MARCHF1: variants seen among roughly 807,000 people sequenced by gnomAD.
The protein encoded by MARCHF1 is membrane associated ring-CH-type finger 1.
A neutral mutation model predicts 54.2 loss-of-function variants in MARCHF1; 40 were observed. That is an observed-to-expected ratio of 0.74 (90% CI 0.57 to 0.96). MARCHF1 has a LOEUF of 0.96. Among genes scored for constraint, MARCHF1 ranks in the 40% least tolerant of loss-of-function variants. The pLI is 0.00. For missense variants in MARCHF1, 586 were observed against 656.5 expected (o/e 0.89, Z 1.17); for synonymous variants, 236 against 236.3 (o/e 1.00, Z 0.01).
chr4:164,266,509 G>A (rs1733614844), intron 1 of MARCHF1, among the ~76,000 whole-genome samples: 1 of 152,172 alleles, frequency 6.6e-6, no homozygotes, highest in Non-Finnish European at 1.5e-5. Context: ...TGGTCTCTGA[G>A]ATTCTAATCC....
chr4:163,892,416 C>T (rs1244374620), intron 3 of MARCHF1, among the ~76,000 whole-genome samples: 1 of 151,700 alleles, frequency 6.6e-6, no homozygotes, highest in Non-Finnish European at 1.5e-5. Context: ...ACTGAATGGC[C>T]CACCCTGTAG....
chr4:163,670,460 G>A (rs758691500), intron 5 of MARCHF1, among the ~76,000 whole-genome samples: 3 of 150,998 alleles, frequency 2.0e-5, no homozygotes, highest in Non-Finnish European at 2.9e-5. Context: ...TTATTTACAC[G>A]CATCTATTAA....
intron 4 of MARCHF1, among the ~76,000 whole-genome samples, chr4:163,786,028 T>G (rs1747608876): frequency 1.3e-5 from 2 of 151,984 alleles, no homozygotes; most frequent in Non-Finnish European, 2.9e-5. Flanking sequence ...GGAAGAAATC[T>G]GGAGGCAGGA....
At chr4:164,285,474 G>A (rs997824670) in intron 1 of MARCHF1, among the ~76,000 whole-genome samples, 3 of 151,560 alleles carry the variant, frequency 2.0e-5, no homozygotes, top group African/African-American at 4.8e-5. Context: ...ACGGAGTTTC[G>A]CTCTGTCGCC....
chr4:164,125,464 T>C (rs1381346942), intron 1 of MARCHF1, among the ~76,000 whole-genome samples: 2 of 152,118 alleles, frequency 1.3e-5, no homozygotes, highest in African/African-American at 2.4e-5. Flanking sequence ...TAAGAAAGAA[T>C]GTAAAATAGG....
intron 3 of MARCHF1, among the ~76,000 whole-genome samples, chr4:163,950,796 A>G (rs1203867515): frequency 6.6e-6 from 1 of 152,248 alleles, no homozygotes; most frequent in Non-Finnish European, 1.5e-5. Context: ...TTATAAGATT[A>G]TTTGTATTGA....
chr4:163,986,017 T>C (rs1475580290), intron 3 of MARCHF1, among the ~76,000 whole-genome samples: 2 of 152,068 alleles, frequency 1.3e-5, no homozygotes, highest in Non-Finnish European at 2.9e-5. Context: ...TTTACAATTC[T>C]TTTAGACTAT....
intron 4 of MARCHF1, among the ~76,000 whole-genome samples, chr4:163,787,581 TAGTA>T (rs1368385762): frequency 6.6e-6 from 1 of 151,702 alleles, no homozygotes; most frequent in East Asian, 1.9e-4. Context: ...TAACAAGTCT[TAGTA>T]AGAATGTGGA....
intron 3 of MARCHF1, among the ~76,000 whole-genome samples, chr4:163,906,505 C>T (rs1751070325): frequency 4.6e-5 from 7 of 151,632 alleles, no homozygotes; most frequent in Admixed American, 4.6e-4. Flanking sequence ...AAATTTCTGA[C>T]TTACAAAAAG....
intron 2 of MARCHF1, among the ~76,000 whole-genome samples, chr4:164,067,086 C>G (rs955237935): frequency 6.6e-6 from 1 of 151,920 alleles, no homozygotes; most frequent in Non-Finnish European, 1.5e-5. Flanking sequence ...TGCTGCATCC[C>G]CTAAGAGGTT....
At chr4:163,873,038 C>T (rs866742603) in intron 3 of MARCHF1, among the ~76,000 whole-genome samples, 15 of 146,544 alleles carry the variant, frequency 1.0e-4, no homozygotes, top group African/African-American at 1.0e-4. Flanking sequence ...AGCGAGACTC[C>T]GTCTCAAAAA....
intron 1 of MARCHF1, among the ~76,000 whole-genome samples, chr4:164,284,912 C>A (rs928739971): frequency 7.3e-5 from 11 of 150,936 alleles, no homozygotes; most frequent in African/African-American, 2.7e-4. Flanking sequence ...AGGTTTCTCC[C>A]AGGAAACTCA....
intron 4 of MARCHF1, among the ~76,000 whole-genome samples, chr4:163,709,382 C>T (rs1745041483): frequency 6.6e-6 from 1 of 151,962 alleles, no homozygotes; most frequent in Non-Finnish European, 1.5e-5. Flanking sequence ...TCAAGACCAG[C>T]CTGGGCAACA....
At chr4:163,667,905 G>A (rs552651642) in intron 5 of MARCHF1, among the ~76,000 whole-genome samples, 7 of 152,108 alleles carry the variant, frequency 4.6e-5, no homozygotes, top group Non-Finnish European at 1.0e-4. Context: ...GGGATTACAG[G>A]TGTGAGCCAC....
Position 163,932,036 on chromosome 4 carries a change from C to A in MARCHF1, c.-39+56465G>T, listed in dbSNP as rs530233695. The stretch of plus-strand genomic sequence containing the variant: ...CATATAAAAGTTATGTTTATACTAT[C>A]TTGTAGTCTATTAAGTGCAATAGGC... On this transcript the variant is annotated intron_variant, in intron 3 of 9. Transcript: ENST00000514618. 4.6e-5 allele frequency among the ~76,000 whole-genome samples: 7 copies of A among 151,846 alleles called. No homozygotes were observed. The South Asian group carries it at 6.2e-4, about 14-fold the overall frequency.
At chr4:163,993,080 C>T (rs1752999000) in intron 2 of MARCHF1, among the ~76,000 whole-genome samples, 1 of 151,908 alleles carries the variant, frequency 6.6e-6, no homozygotes, top group Non-Finnish European at 1.5e-5. Context: ...GGAGAAGGAA[C>T]TTGAATTTAA....
intron 8 of MARCHF1, among the ~76,000 whole-genome samples, chr4:163,560,975 T>G (rs1560942880): frequency 6.6e-6 from 1 of 152,182 alleles, no homozygotes; most frequent in African/African-American, 2.4e-5. Flanking sequence ...AAAATCCACT[T>G]TTTTGAATCT....
intron 3 of MARCHF1, among the ~76,000 whole-genome samples, chr4:163,969,772 C>T (rs998316365): frequency 2.0e-5 from 3 of 152,034 alleles, no homozygotes; most frequent in African/African-American, 7.2e-5. Context: ...ATGTACATTA[C>T]AGTAGAAATT....
Position 163,612,369 on chromosome 4 carries a change from G to C in MARCHF1, c.912C>G (p.Gly304=). ...SSTEILGVPE[G]SKDMNDAGLQ... ...GCCCTGCATCATTCATGTCCTTGCTGCCTTCTGGAACTCCCAGTATTTCAG... is the reference window on the plus strand; with the variant it reads ...GCCCTGCATCATTCATGTCCTTGCTCCCTTCTGGAACTCCCAGTATTTCAG... The change falls in exon 7 of 10, where the codon GGC becomes GGG. Residue 304 remains glycine (G), a synonymous_variant. Coordinates refer to ENST00000514618, the MANE Select transcript of MARCHF1 (RefSeq NM_001394959.1). 6.5e-7 allele frequency: 1 copy of C among 1,535,316 alleles called. No individual in the cohort carries two copies. The highest frequency in any genetic ancestry group is 8.7e-7 in the Non-Finnish European group (1 of 1,146,414).
Sources: gnomAD v4.1 joint callset for allele counts (sites outside exome capture counted in the v4.1 genomes callset) on GRCh38, gnomAD v4.1.1 for gene constraint, MANE v1.5 for transcripts, NCBI Gene and HGNC (gene_info 2026-07-23, HGNC 2026-07-21) for gene names.